The following HOMER1 variants were observed in gnomAD, a reference collection of about 807,000 sequenced individuals.
HOMER1 encodes homer protein homolog 1.
Under a neutral mutation model 48.9 loss-of-function variants are expected in HOMER1, and 3 were observed. That is an observed-to-expected ratio of 0.06 (90% CI 0.03 to 0.16). The LOEUF (loss-of-function observed/expected upper bound fraction) is 0.16. Among genes scored for constraint, HOMER1 ranks in the 10% least tolerant of loss-of-function variants. HOMER1 has a pLI of 1.00. For synonymous variants in HOMER1, 134 were observed against 146.4 expected (o/e 0.92, Z 0.61); for missense variants, 247 against 411.4 (o/e 0.60, Z 3.46).
chr5:79,417,572 T>C (rs1219022358), intron 5 of HOMER1, among the ~76,000 whole-genome samples: 1 of 152,274 alleles, frequency 6.6e-6, no homozygotes, highest in Non-Finnish European at 1.5e-5. Context: ...TAAAAAATTA[T>C]GTTTCTTTCA....
At chr5:79,510,936 A>AC (rs927360036) in intron 1 of HOMER1, 24 of 535,972 alleles carry the variant, frequency 4.5e-5, no homozygotes, top group Middle Eastern at 5.4e-4. Flanking sequence ...GACTGGTGCG[A>AC]CCCCCCGCCA....
chr5:79,461,896 T>G (rs1470616334), intron 1 of HOMER1, among the ~76,000 whole-genome samples: 1 of 152,152 alleles, frequency 6.6e-6, no homozygotes, highest in Non-Finnish European at 1.5e-5. Flanking sequence ...TAAAAATCAA[T>G]TTTAAAGACA....
At chr5:79,382,076 C>A (rs1278805416) in intron 8 of HOMER1, among the ~76,000 whole-genome samples, 1 of 151,958 alleles carries the variant, frequency 6.6e-6, no homozygotes, top group Non-Finnish European at 1.5e-5. Context: ...AATTTCAGAA[C>A]TCAAAGACAA....
chr5:79,509,228 T>C (rs947460549), intron 1 of HOMER1, among the ~76,000 whole-genome samples: 2 of 152,160 alleles, frequency 1.3e-5, no homozygotes, highest in South Asian at 2.1e-4. Flanking sequence ...GAAGTTCCCA[T>C]AGGCAGGTGA....
At chr5:79,488,605 CT>C (rs1224385415) in intron 1 of HOMER1, among the ~76,000 whole-genome samples, 1 of 152,174 alleles carries the variant, frequency 6.6e-6, no homozygotes, top group Non-Finnish European at 1.5e-5. Flanking sequence ...ATGCTGTCAG[CT>C]TTTCACCATG....
At chr5:79,467,707 C>G (rs892488234) in intron 1 of HOMER1, among the ~76,000 whole-genome samples, 1 of 152,186 alleles carries the variant, frequency 6.6e-6, no homozygotes, top group Non-Finnish European at 1.5e-5. Flanking sequence ...TAAAACGTCA[C>G]AGCACTTCTC....
At chr5:79,392,957 GA>G (rs1190355817) in intron 8 of HOMER1, among the ~76,000 whole-genome samples, 49 of 14,500 alleles carry the variant, frequency 3.4e-3, no homozygotes, top group Admixed American at 5.5e-3. Flanking sequence ...GGGAAAGGGA[GA>G]GAGAGAGAGA....
chr5:79,503,738 A>G (rs1752672335), intron 1 of HOMER1, among the ~76,000 whole-genome samples: 1 of 150,922 alleles, frequency 6.6e-6, no homozygotes, highest in Admixed American at 6.6e-5. Context: ...AAAAAAAAAA[A>G]AAGAAAGAAG....
At chr5:79,439,301 G>A in intron 4 of HOMER1, 152 bp from the exon 5 acceptor site, 2 of 705,272 alleles carry the variant, frequency 2.8e-6, no homozygotes, top group African/African-American at 1.8e-5. Context: ...CATAAAACAT[G>A]GAAATTTTTA....
At chr5:79,410,257 C>T (rs1277606196) in intron 5 of HOMER1, among the ~76,000 whole-genome samples, 4 of 151,640 alleles carry the variant, frequency 2.6e-5, no homozygotes, top group Non-Finnish European at 4.4e-5. Flanking sequence ...TTTGGGAGGC[C>T]GAGGCGGGCG....
At chr5:79,493,432 C>T (rs1443372499) in intron 1 of HOMER1, among the ~76,000 whole-genome samples, 1 of 152,154 alleles carries the variant, frequency 6.6e-6, no homozygotes, top group Non-Finnish European at 1.5e-5. Flanking sequence ...TTATCATTCA[C>T]TGGAATGTAA....
intron 2 of HOMER1, among the ~76,000 whole-genome samples, chr5:79,452,395 A>G (rs1357213460): frequency 6.6e-6 from 1 of 152,238 alleles, no homozygotes; most frequent in African/African-American, 2.4e-5. Flanking sequence ...TGCTAATACC[A>G]TAAAAGTGAG....
At chr5:79,463,836 G>A (rs1751383976) in intron 1 of HOMER1, among the ~76,000 whole-genome samples, 1 of 152,108 alleles carries the variant, frequency 6.6e-6, no homozygotes, top group African/African-American at 2.4e-5. Flanking sequence ...GAAATGGAAA[G>A]GTAAATGTGG....
At chr5:79,507,750 C>G (rs1752819316) in intron 1 of HOMER1, among the ~76,000 whole-genome samples, 1 of 151,622 alleles carries the variant, frequency 6.6e-6, no homozygotes, top group Non-Finnish European at 1.5e-5. Flanking sequence ...GAGGTTAGAC[C>G]TTTTGGGATA....
intron 2 of HOMER1, among the ~76,000 whole-genome samples, chr5:79,452,170 G>A (rs1751047869): frequency 6.6e-6 from 1 of 152,164 alleles, no homozygotes; most frequent in Admixed American, 6.5e-5. Flanking sequence ...CCACGTATAA[G>A]TGAACCTGCA....
intron 6 of HOMER1, among the ~76,000 whole-genome samples, chr5:79,399,880 G>A (rs1029255413): frequency 1.3e-5 from 2 of 152,094 alleles, no homozygotes; most frequent in South Asian, 4.1e-4. Flanking sequence ...AGGCTGAAGG[G>A]AAACAATACC....
intron 8 of HOMER1, among the ~76,000 whole-genome samples, chr5:79,389,688 C>T (rs1749199063): frequency 6.6e-6 from 1 of 152,150 alleles, no homozygotes; most frequent in African/African-American, 2.4e-5. Flanking sequence ...CAAACCCGCC[C>T]GTACCTTGAC....
intron 4 of HOMER1, among the ~76,000 whole-genome samples, chr5:79,442,613 A>G (rs536847900): frequency 6.6e-6 from 1 of 152,352 alleles, no homozygotes; most frequent in Admixed American, 6.5e-5. Context: ...AATTCCCATT[A>G]CAGTTTCAAC....
intron 5 of HOMER1, among the ~76,000 whole-genome samples, chr5:79,414,702 C>G (rs1014973542): frequency 6.6e-6 from 1 of 152,040 alleles, no homozygotes; most frequent in Non-Finnish European, 1.5e-5. Context: ...TATACTCCTG[C>G]TGGCACCTGC....
Sources: gnomAD v4.1 joint callset for allele counts (sites outside exome capture counted in the v4.1 genomes callset) on GRCh38, gnomAD v4.1.1 for gene constraint, MANE v1.5 for transcripts, NCBI Gene and HGNC (gene_info 2026-07-23, HGNC 2026-07-21) for gene names.